The following SSPN variants were observed in gnomAD, a reference collection of about 807,000 sequenced individuals.
SSPN encodes K-ras oncogene-associated protein.
Under a neutral mutation model 19.1 loss-of-function variants are expected in SSPN, and 15 were observed. The ratio of observed to expected loss-of-function variants is 0.78; its 90% CI spans 0.52 to 1.21. The LOEUF (loss-of-function observed/expected upper bound fraction) is 1.21, where lower values mean the gene tolerates loss of function less well. SSPN is among the 50% of genes most tolerant of loss of function. SSPN has a pLI of 0.00. For synonymous variants in SSPN, 147 were observed against 140.3 expected (o/e 1.05, Z -0.34); for missense variants, 291 against 314.0 (o/e 0.93, Z 0.55).
intron 1 of SSPN, among the ~76,000 whole-genome samples, chr12:26,185,869 C>T (rs1169493719): frequency 1.3e-5 from 2 of 152,190 alleles, no homozygotes; most frequent in Admixed American, 1.3e-4. Flanking sequence ...TCCTTTATGA[C>T]ACTTCCCTGA....
intron 1 of SSPN, among the ~76,000 whole-genome samples, chr12:26,158,412 A>C (rs2137421918): frequency 6.6e-6 from 1 of 152,252 alleles, no homozygotes; most frequent in African/African-American, 2.4e-5. Flanking sequence ...AGCCTGCCCA[A>C]GTTCTGTAAA....
At chr12:26,213,350 G>A (rs1406691347) in intron 1 of SSPN, among the ~76,000 whole-genome samples, 1 of 152,122 alleles carries the variant, frequency 6.6e-6, no homozygotes, top group Non-Finnish European at 1.5e-5. Flanking sequence ...TTTTTGAAAA[G>A]TGGGTCCTTG....
upstream of SSPN, among the ~76,000 whole-genome samples, chr12:26,191,953 T>C (rs1202279068): frequency 1.3e-5 from 2 of 152,236 alleles, no homozygotes; most frequent in African/African-American, 2.4e-5. Context: ...GAAATCCTTT[T>C]TTGTTCTTGG....
intron 1 of SSPN, among the ~76,000 whole-genome samples, chr12:26,150,035 G>T (rs1199576239): frequency 6.6e-6 from 1 of 152,142 alleles, no homozygotes; most frequent in East Asian, 1.9e-4. Context: ...TTTGCTATAT[G>T]GGGTACTGTC....
chr12:26,136,569 T>C (rs192082202), intron 1 of SSPN, among the ~76,000 whole-genome samples: 174 of 152,264 alleles, frequency 1.1e-3, no homozygotes, highest in African/African-American at 4.0e-3. Context: ...TTTTTCCCAT[T>C]TGAGCTGCTT....
chr12:26,124,348 C>A (rs1196304879), intron 1 of SSPN, among the ~76,000 whole-genome samples: 1 of 138,660 alleles, frequency 7.2e-6, no homozygotes, highest in African/African-American at 2.7e-5. Context: ...AATTTAAATT[C>A]AGGTATGATG....
intron 1 of SSPN, among the ~76,000 whole-genome samples, chr12:26,165,986 G>A (rs560280147): frequency 1.6e-4 from 25 of 152,174 alleles, no homozygotes; most frequent in Non-Finnish European, 3.5e-4. Context: ...ATCACCTCTT[G>A]TACAGCCCTG....
chr12:26,122,960 A>G, intron 1 of SSPN: 1 of 1,559,794 alleles, frequency 6.4e-7, no homozygotes, highest in South Asian at 1.2e-5. Context: ...CTTTGCTCAG[A>G]GGGACCTGTT....
In SSPN at chr12:26,231,304, TAA is replaced by T. The variant is rs1945230280; in HGVS notation, c.*231_*232del. 1.0e-5 allele frequency: 6 copies of T among 591,822 alleles called. No individual in the cohort carries two copies. The highest frequency in any genetic ancestry group is 8.2e-5 in the South Asian group (3 of 36,692). The allele number at this position is 591,822 out of a possible 1,614,324, so 36.7% of individuals were successfully genotyped here. A position where few individuals can be genotyped will look rare whatever the true frequency, so the allele number is the denominator to read the frequency against. On this transcript the variant is annotated 3_prime_UTR_variant, in exon 3 of 3. Transcript: ENST00000242729. ...AAGATCCAAATTGATTTTGGGATAT[TAA>T]AAGTTAACAGAACACTGAACAAGGA...
intron 1 of SSPN, among the ~76,000 whole-genome samples, chr12:26,136,756 A>T (rs1944427512): frequency 6.6e-6 from 1 of 152,200 alleles, no homozygotes; most frequent in African/African-American, 2.4e-5. Context: ...CATTAATGAG[A>T]TATAGTTAAG....
intron 1 of SSPN, among the ~76,000 whole-genome samples, chr12:26,131,299 G>A (rs1047178987): frequency 5.3e-5 from 8 of 152,202 alleles, no homozygotes; most frequent in Admixed American, 6.5e-5. Context: ...AATCTCCTTA[G>A]GGAGGAAATT....
chr12:26,124,923 T>A, intron 1 of SSPN: 1 of 846,946 alleles, frequency 1.2e-6, no homozygotes, highest in Non-Finnish European at 2.0e-6. Context: ...GTGTTGAAAG[T>A]GTGAAGCAGT....
upstream of SSPN, among the ~76,000 whole-genome samples, chr12:26,191,510 A>G (rs929840998): frequency 1.4e-4 from 22 of 152,310 alleles, no homozygotes; most frequent in African/African-American, 5.3e-4. Context: ...GTTGACCATA[A>G]AGATTGCATT....
intron 1 of SSPN, among the ~76,000 whole-genome samples, chr12:26,216,345 T>C (rs1945049349): frequency 6.6e-6 from 1 of 152,134 alleles, no homozygotes; most frequent in African/African-American, 2.4e-5. Context: ...CATTTTTTCA[T>C]GTGTTTTTTG....
At chr12:26,150,854 C>T (rs2137415244) in intron 1 of SSPN, among the ~76,000 whole-genome samples, 1 of 152,234 alleles carries the variant, frequency 6.6e-6, no homozygotes, top group African/African-American at 2.4e-5. Context: ...ATAATTTTGC[C>T]TCTGGGAAAG....
intron 1 of SSPN, chr12:26,122,350 A>G (rs1591838202): frequency 6.1e-6 from 7 of 1,152,180 alleles, no homozygotes; most frequent in Non-Finnish European, 7.4e-6. Flanking sequence ...ATGCCGGGGT[A>G]TAGCAGCGGG....
In SSPN at chr12:26,231,382, C is replaced by G. The variant is rs535292029; in HGVS notation, c.*306C>G. The G allele has an allele frequency of 1.2e-5, 3 of 250,372 alleles. No homozygotes were observed. The East Asian group carries it at 3.1e-4, about 26-fold the overall frequency. The allele number at this position is 250,372 out of a possible 1,614,324, so 15.5% of individuals were successfully genotyped here. The stretch of plus-strand genomic sequence containing the variant: ...AGTCTGGAGTTAATTCCTGTTAACT[C>G]ATTTTATCCATTCCTTACATAATCT... On this transcript the variant is annotated 3_prime_UTR_variant, in exon 3 of 3. Coordinates refer to ENST00000242729, the MANE Select transcript of SSPN (RefSeq NM_005086.5).
chr12:26,204,471 G>A (rs73295003), intron 1 of SSPN, among the ~76,000 whole-genome samples: 8,345 of 152,190 alleles, frequency 0.055, 813 homozygotes, highest in African/African-American at 0.19. Flanking sequence ...TTATGCTCCA[G>A]GGAGTATCCT....
At chr12:26,161,397 A>T (rs971681058) in intron 1 of SSPN, among the ~76,000 whole-genome samples, 2 of 151,984 alleles carry the variant, frequency 1.3e-5, no homozygotes. Flanking sequence ...TCCCAATGGC[A>T]TCCTCTGGGT....
Sources: allele counts gnomAD v4.1 joint callset (sites outside exome capture counted in the v4.1 genomes callset), GRCh38; gene constraint gnomAD v4.1.1; transcripts MANE v1.5; gene names NCBI Gene and HGNC (gene_info 2026-07-23, HGNC 2026-07-21).